THSD7B: variants seen among roughly 807,000 people sequenced by gnomAD.
The protein encoded by THSD7B is thrombospondin type-1 domain-containing protein 7B.
A neutral mutation model predicts 213.6 loss-of-function variants in THSD7B; 138 were observed. The ratio of observed to expected loss-of-function variants is 0.65; its 90% CI spans 0.56 to 0.74. The LOEUF is 0.74. Ranked by LOEUF, THSD7B falls within the 30% of genes least tolerant of loss-of-function variation. The pLI is 0.00. For missense variants in THSD7B, 1,931 were observed against 1,991.5 expected, an observed-to-expected ratio of 0.97 and a Z score of 0.58; for synonymous variants, 742 against 687.0, an observed-to-expected ratio of 1.08 and a Z score of -1.25.
intron 13 of THSD7B, among the ~76,000 whole-genome samples, chr2:137,408,372 A>G (rs1424111047): frequency 6.6e-6 from 1 of 150,714 alleles, no homozygotes; most frequent in Non-Finnish European, 1.5e-5. Flanking sequence ...TCCTTTTCTC[A>G]ATTATTCAAT....
At chr2:137,260,805 C>A (rs1043975825) in intron 10 of THSD7B, among the ~76,000 whole-genome samples, 2 of 152,138 alleles carry the variant, frequency 1.3e-5, no homozygotes, top group African/African-American at 4.8e-5. Context: ...CAGAGGTTCT[C>A]TAGACATGCA....
At chr2:137,363,686 A>T (rs1685330356) in intron 12 of THSD7B, among the ~76,000 whole-genome samples, 1 of 152,238 alleles carries the variant, frequency 6.6e-6, no homozygotes, top group African/African-American at 2.4e-5. Context: ...AGGCTAAACC[A>T]GGAAGAAGTT....
chr2:137,133,622 C>T (rs1428522531), intron 5 of THSD7B, among the ~76,000 whole-genome samples: 1 of 151,974 alleles, frequency 6.6e-6, no homozygotes, highest in Non-Finnish European at 1.5e-5. Context: ...GCAGCACTGT[C>T]CAGCAGAAAT....
At chr2:137,300,302 A>G (rs1283801798) in intron 12 of THSD7B, among the ~76,000 whole-genome samples, 1 of 152,206 alleles carries the variant, frequency 6.6e-6, no homozygotes, top group Non-Finnish European at 1.5e-5. Flanking sequence ...ATCAGCTGTA[A>G]TGAAGAACTG....
intron 5 of THSD7B, among the ~76,000 whole-genome samples, chr2:137,119,563 T>C (rs1000592918): frequency 6.6e-5 from 10 of 152,158 alleles, no homozygotes; most frequent in African/African-American, 2.4e-4. Context: ...TGGAAAAGTT[T>C]GTGTTCAGTA....
chr2:137,422,314 G>C (rs1028715204), intron 14 of THSD7B, among the ~76,000 whole-genome samples: 29 of 152,068 alleles, frequency 1.9e-4, no homozygotes, highest in African/African-American at 6.8e-4. Context: ...CTTTTGTTTT[G>C]TTTGTTTTTG....
intron 1 of THSD7B, among the ~76,000 whole-genome samples, chr2:136,774,744 T>C (rs1681569929): frequency 6.6e-6 from 1 of 152,150 alleles, no homozygotes; most frequent in Non-Finnish European, 1.5e-5. Flanking sequence ...TCTAAGGCTA[T>C]ATCGTGTAAG....
chr2:137,068,185 T>G (rs937870327), intron 3 of THSD7B, among the ~76,000 whole-genome samples: 1 of 152,054 alleles, frequency 6.6e-6, no homozygotes, highest in African/African-American at 2.4e-5. Context: ...TTAGCTTTTT[T>G]CTTATTGTGA....
intron 1 of THSD7B, among the ~76,000 whole-genome samples, chr2:136,780,019 C>A (rs552957708): frequency 6.6e-6 from 1 of 152,252 alleles, no homozygotes; most frequent in African/African-American, 2.4e-5. Context: ...GGCTGTCCAC[C>A]ACAGATGAGG....
intron 2 of THSD7B, among the ~76,000 whole-genome samples, chr2:136,999,251 A>G (rs1897420): frequency 0.1 from 15,635 of 152,216 alleles, 1,040 homozygotes; most frequent in Non-Finnish European, 0.15. Context: ...ATTGCTAACT[A>G]TAATGAAAGC....
chr2:137,004,006 A>G (rs1209893562), intron 2 of THSD7B, among the ~76,000 whole-genome samples: 1 of 151,960 alleles, frequency 6.6e-6, no homozygotes, highest in African/African-American at 2.4e-5. Context: ...AGTGCCCTTC[A>G]CCCTCCCCTG....
At chr2:137,672,922 A>T (rs1048744658) in intron 27 of THSD7B, among the ~76,000 whole-genome samples, 3 of 152,184 alleles carry the variant, frequency 2.0e-5, no homozygotes, top group Admixed American at 1.3e-4. Context: ...AATGGGGATG[A>T]CCACTGGATG....
intron 2 of THSD7B, among the ~76,000 whole-genome samples, chr2:136,954,746 A>C (rs1447237573): frequency 6.6e-6 from 1 of 151,054 alleles, no homozygotes; most frequent in Non-Finnish European, 1.5e-5. Flanking sequence ...AAATTACATA[A>C]GAGCTTTTAT....
chr2:137,400,047 TA>T (rs1477965995), intron 12 of THSD7B, among the ~76,000 whole-genome samples: 4 of 152,158 alleles, frequency 2.6e-5, no homozygotes, highest in Non-Finnish European at 4.4e-5. Context: ...TCTGTTTTTT[TA>T]AATAAATATA....
Position 137,434,771 on chromosome 2 carries a change from A to G in THSD7B, c.2960-16074A>G, listed in dbSNP as rs191898786. Reference sequence around the variant, plus strand: ...CTACGGTTATTTTCTCCTTATGATGATGTACGTCTCCTCTACTCCTGATTC... The same window carrying G: ...CTACGGTTATTTTCTCCTTATGATGGTGTACGTCTCCTCTACTCCTGATTC... On this transcript the variant is annotated intron_variant, in intron 14 of 27. Coordinates refer to ENST00000409968, the MANE Select transcript of THSD7B (RefSeq NM_001316349.2). Among the ~76,000 whole-genome samples the G allele has an allele frequency of 1.1e-3, 164 of 152,280 alleles. 2 individuals are homozygous for G. The highest frequency in any genetic ancestry group is 3.7e-4 in the Non-Finnish European group (25 of 68,022).
chr2:137,634,464 G>A (rs370890544), intron 20 of THSD7B, among the ~76,000 whole-genome samples: 21 of 152,196 alleles, frequency 1.4e-4, no homozygotes, highest in African/African-American at 4.8e-4. Flanking sequence ...TGAACTATTT[G>A]TTTCCAGTCA....
At chr2:137,664,608 C>G (rs549966158) in intron 26 of THSD7B, among the ~76,000 whole-genome samples, 1 of 152,242 alleles carries the variant, frequency 6.6e-6, no homozygotes, top group South Asian at 2.1e-4. Flanking sequence ...ATTCTTGCAA[C>G]CTAATGAGAT....
At chr2:137,183,793 C>T (rs1237999862) in intron 7 of THSD7B, among the ~76,000 whole-genome samples, 1 of 152,026 alleles carries the variant, frequency 6.6e-6, no homozygotes, top group Non-Finnish European at 1.5e-5. Flanking sequence ...TAGGAAAGAA[C>T]ATCTATGGAA....
At chr2:137,529,884 C>T (rs1287859922) in intron 15 of THSD7B, among the ~76,000 whole-genome samples, 3 of 151,702 alleles carry the variant, frequency 2.0e-5, no homozygotes, top group African/African-American at 4.8e-5. Flanking sequence ...AAGTGACAAG[C>T]GGATGATGAT....
Sources: allele counts gnomAD v4.1 joint callset (sites outside exome capture counted in the v4.1 genomes callset), GRCh38; gene constraint gnomAD v4.1.1; transcripts MANE v1.5; gene names NCBI Gene and HGNC (gene_info 2026-07-23, HGNC 2026-07-21).